NOL4: variants seen among roughly 807,000 people sequenced by gnomAD.
NOL4 encodes cancer/testis antigen 125.
In NOL4, 17 loss-of-function variants were observed where a neutral mutation model predicts 75.9. The ratio of observed to expected loss-of-function variants is 0.22; its 90% CI spans 0.15 to 0.34. The LOEUF (loss-of-function observed/expected upper bound fraction) is 0.34. Ranked by LOEUF, NOL4 falls within the 10% of genes least tolerant of loss-of-function variation. The pLI is 1.00. For missense variants in NOL4, 614 were observed against 793.5 expected (o/e 0.77, Z 2.72); for synonymous variants, 292 against 289.9 (o/e 1.01, Z -0.07).
At chr18:33,893,340 G>A (rs911712517) in intron 9 of NOL4, among the ~76,000 whole-genome samples, 1 of 152,118 alleles carries the variant, frequency 6.6e-6, no homozygotes, top group Non-Finnish European at 1.5e-5. Flanking sequence ...GTACTCCTTT[G>A]TACTCTTGTC....
chr18:34,206,258 T>C (rs1285078769), intron 1 of NOL4, among the ~76,000 whole-genome samples: 1 of 152,146 alleles, frequency 6.6e-6, no homozygotes, highest in African/African-American at 2.4e-5. Context: ...ACACAGAGAT[T>C]TAAAGCCCTA....
intron 1 of NOL4, among the ~76,000 whole-genome samples, chr18:34,138,268 G>C (rs1260658547): frequency 6.6e-6 from 1 of 152,060 alleles, no homozygotes; most frequent in African/African-American, 2.4e-5. Flanking sequence ...TGGGCATGGT[G>C]ACACATGCCT....
At chr18:34,169,660 T>C (rs1428285476) in intron 1 of NOL4, among the ~76,000 whole-genome samples, 10 of 152,140 alleles carry the variant, frequency 6.6e-5, no homozygotes, top group African/African-American at 2.2e-4. Context: ...ATATGCACCA[T>C]GCCAATACTA....
chr18:34,101,437 C>T (rs948317136), intron 4 of NOL4, among the ~76,000 whole-genome samples: 3 of 152,024 alleles, frequency 2.0e-5, no homozygotes, highest in Admixed American at 6.6e-5. Context: ...CCAAAAGAGA[C>T]AAAAATCTCT....
chr18:33,962,117 G>C (rs1009784055), intron 6 of NOL4, among the ~76,000 whole-genome samples: 11 of 152,082 alleles, frequency 7.2e-5, no homozygotes, highest in African/African-American at 2.7e-4. Context: ...GCTGAATCCA[G>C]CAGAGCTAAG....
At chr18:33,864,323 A>T (rs1027414782) in intron 10 of NOL4, among the ~76,000 whole-genome samples, 20 of 152,014 alleles carry the variant, frequency 1.3e-4, no homozygotes, top group Non-Finnish European at 2.4e-4. Flanking sequence ...AGACTGCAAA[A>T]TTTTCTAACT....
At chr18:34,188,385 T>C (rs867165398) in intron 1 of NOL4, among the ~76,000 whole-genome samples, 3 of 152,218 alleles carry the variant, frequency 2.0e-5, no homozygotes, top group African/African-American at 7.2e-5. Flanking sequence ...AATGTATATA[T>C]TGCAGATATT....
intron 8 of NOL4, among the ~76,000 whole-genome samples, chr18:33,951,914 A>T (rs1203188037): frequency 1.3e-5 from 2 of 152,196 alleles, no homozygotes; most frequent in African/African-American, 4.8e-5. Context: ...ACTAAAATGC[A>T]TGTATCCTGA....
intron 1 of NOL4, among the ~76,000 whole-genome samples, chr18:34,171,978 G>T (rs1195334838): frequency 6.6e-6 from 1 of 152,010 alleles, no homozygotes; most frequent in Non-Finnish European, 1.5e-5. Flanking sequence ...ACCCAGCAAT[G>T]AAGCCTTGCC....
intron 2 of NOL4, among the ~76,000 whole-genome samples, chr18:34,124,330 C>G (rs2080285158): frequency 6.6e-6 from 1 of 152,198 alleles, no homozygotes; most frequent in Admixed American, 6.5e-5. Context: ...CTCAAACACA[C>G]AGTATTTTTA....
At chr18:34,153,729 T>C (rs551166347) in intron 1 of NOL4, among the ~76,000 whole-genome samples, 306 of 152,100 alleles carry the variant, frequency 2.0e-3, no homozygotes, top group Middle Eastern at 3.4e-3. Context: ...GAGACTATAT[T>C]GTAATAAAGG....
intron 5 of NOL4, among the ~76,000 whole-genome samples, chr18:34,034,995 T>G (rs1306959108): frequency 6.6e-6 from 1 of 151,816 alleles, no homozygotes; most frequent in East Asian, 1.9e-4. Flanking sequence ...AAGATGGCAA[T>G]AGACTCTAAA....
In NOL4 at chr18:33,852,739, A is replaced by T. The variant is rs1265662389; in HGVS notation, c.*103T>A. The T allele has an allele frequency of 4.1e-6, 4 of 986,424 alleles. No homozygotes were observed. Among genetic ancestry groups the T allele is most frequent in the Non-Finnish European group, 6.0e-6 (4 of 666,198 alleles). The allele number at this position is 986,424 out of a possible 1,614,324, so 61.1% of individuals were successfully genotyped here. A position where few individuals can be genotyped will look rare whatever the true frequency, so the allele number is the denominator to read the frequency against. ...GTGGCATAATGGAAGTATTTCTCTT[A>T]AAAGACTGTGCAGTAAGACCAGAAG... On this transcript the variant is annotated 3_prime_UTR_variant, in exon 11 of 11. Transcript: ENST00000261592.
At chr18:34,169,185 C>A (rs892292518) in intron 1 of NOL4, among the ~76,000 whole-genome samples, 1 of 151,616 alleles carries the variant, frequency 6.6e-6, no homozygotes, top group African/African-American at 2.4e-5. Flanking sequence ...TTCTATAAAT[C>A]ACTTTAAATA....
intron 8 of NOL4, among the ~76,000 whole-genome samples, chr18:33,956,452 C>T (rs2069654149): frequency 6.6e-6 from 1 of 152,096 alleles, no homozygotes; most frequent in Non-Finnish European, 1.5e-5. Context: ...CCCAATCACA[C>T]CTAACTAATT....
intron 5 of NOL4, among the ~76,000 whole-genome samples, chr18:34,050,481 CATCGATCATATTATATAT>C (rs1417070014): frequency 6.6e-6 from 1 of 151,994 alleles, no homozygotes; most frequent in Non-Finnish European, 1.5e-5. Flanking sequence ...ACTACCTGGA[CATCGATCATATTATATAT>C]TGTCTAGCTT....
chr18:34,159,437 A>AGGAGACGCGGGCTC (rs1202737846), intron 1 of NOL4, among the ~76,000 whole-genome samples: 30 of 152,238 alleles, frequency 2.0e-4, no homozygotes, highest in Non-Finnish European at 2.5e-4. Flanking sequence ...TCGGAGGAGC[A>AGGAGACGCGGGCTC]GGAGACGCGG....
chr18:33,869,258 A>G (rs1599684279), intron 10 of NOL4, among the ~76,000 whole-genome samples: 1 of 152,134 alleles, frequency 6.6e-6, no homozygotes, highest in Admixed American at 6.6e-5. Context: ...TTTAAGTTTG[A>G]TCCATTTGTT....
chr18:33,974,104 T>A (rs896088516), intron 6 of NOL4, among the ~76,000 whole-genome samples: 4 of 152,184 alleles, frequency 2.6e-5, no homozygotes, highest in African/African-American at 9.6e-5. Flanking sequence ...TCATCAATAA[T>A]ACTAACTCGA....
Sources: allele counts gnomAD v4.1 joint callset (sites outside exome capture counted in the v4.1 genomes callset), GRCh38; gene constraint gnomAD v4.1.1; transcripts MANE v1.5; gene names NCBI Gene and HGNC (gene_info 2026-07-23, HGNC 2026-07-21).